The following PDE1A variants were observed in gnomAD, a reference collection of about 807,000 sequenced individuals.
PDE1A encodes phosphodiesterase 1A.
A neutral mutation model predicts 61.7 loss-of-function variants in PDE1A; 35 were observed. The ratio of observed to expected loss-of-function variants is 0.57; its 90% confidence interval spans 0.43 to 0.75. The LOEUF (loss-of-function observed/expected upper bound fraction) is 0.75, where lower values mean the gene tolerates loss of function less well. Among genes scored for constraint, PDE1A ranks in the 30% least tolerant of loss-of-function variants. The pLI, the probability that PDE1A is intolerant of heterozygous loss-of-function variation, is 0.00. For synonymous variants in PDE1A, 232 were observed against 213.2 expected (o/e 1.09, Z -0.77); for missense variants, 597 against 630.6 (o/e 0.95, Z 0.57).
At chr2:182,552,410 A>G in the PDE1A span, among the ~76,000 whole-genome samples, 7 of 151,986 alleles carry the variant, frequency 4.6e-5, no homozygotes, top group Admixed American at 1.3e-4. Flanking sequence ...TGCAGTAGGC[A>G]ATTGTTTGTA....
the PDE1A span, among the ~76,000 whole-genome samples, chr2:182,699,569 C>CA: frequency 6.6e-6 from 1 of 151,266 alleles, no homozygotes; most frequent in Non-Finnish European, 1.5e-5. Flanking sequence ...AATACCTCTT[C>CA]AAAAAAAATA....
At chr2:182,179,948 TATG>T (rs1684610515) in intron 13 of PDE1A, among the ~76,000 whole-genome samples, 1 of 152,224 alleles carries the variant, frequency 6.6e-6, no homozygotes, top group Non-Finnish European at 1.5e-5. Context: ...TAAGGGTTAA[TATG>T]ATGATGAGCA....
In PDE1A at chr2:182,188,034, C is replaced by T. The variant is rs571183573; in HGVS notation, c.1207+945G>A. Among the ~76,000 whole-genome samples the T allele has an allele frequency of 2.0e-5, 3 of 152,244 alleles. No homozygotes were observed. The East Asian group carries it at 5.8e-4, about 29-fold the overall frequency. On this transcript the variant is annotated intron_variant, in intron 11 of 13. Transcript: ENST00000351439. ...CTGGGATTACAGGCATAAGCCACTG[C>T]ACCCAGCCAGTTCTATGTTCTTAAA...
At chr2:182,690,479 G>A in the PDE1A span, among the ~76,000 whole-genome samples, 5 of 152,112 alleles carry the variant, frequency 3.3e-5, no homozygotes, top group South Asian at 4.2e-4. Flanking sequence ...AAAGTCAACA[G>A]CGCTTCATGC....
chr2:182,397,262 A>C (rs1701759210), intron 1 of PDE1A, among the ~76,000 whole-genome samples: 1 of 152,184 alleles, frequency 6.6e-6, no homozygotes, highest in Non-Finnish European at 1.5e-5. Flanking sequence ...CAGAAATAAC[A>C]AAATTTACAA....
intron 13 of PDE1A, among the ~76,000 whole-genome samples, chr2:182,147,425 TC>T (rs1690553774): frequency 6.6e-6 from 1 of 152,224 alleles, no homozygotes; most frequent in African/African-American, 2.4e-5. Context: ...TGTTTAAACA[TC>T]TATTAAATCC....
intron 13 of PDE1A, among the ~76,000 whole-genome samples, chr2:182,185,309 T>C (rs541422693): frequency 2.6e-5 from 4 of 152,276 alleles, no homozygotes; most frequent in African/African-American, 9.6e-5. Flanking sequence ...AGATAATAAC[T>C]GTTTGAATAC....
the PDE1A span, among the ~76,000 whole-genome samples, chr2:182,617,644 A>T: frequency 1.3e-5 from 2 of 152,232 alleles, no homozygotes; most frequent in Non-Finnish European, 2.9e-5. Flanking sequence ...CCCAGTGCAG[A>T]TGGCCTCCTC....
At chr2:182,459,494 G>A (rs1686137026) in intron 2 of PDE1A, among the ~76,000 whole-genome samples, 1 of 152,108 alleles carries the variant, frequency 6.6e-6, no homozygotes, top group East Asian at 1.9e-4. Flanking sequence ...ATATCTGTCA[G>A]GTGAAGCTTG....
At chr2:182,212,466 C>T (rs561406690) in intron 7 of PDE1A, among the ~76,000 whole-genome samples, 52 of 152,242 alleles carry the variant, frequency 3.4e-4, no homozygotes, top group African/African-American at 1.2e-3. Context: ...GCGTGAGCGA[C>T]GCAGAAGACG....
intron 2 of PDE1A, among the ~76,000 whole-genome samples, chr2:182,520,842 A>G (rs942501594): frequency 3.3e-5 from 5 of 152,102 alleles, no homozygotes; most frequent in African/African-American, 1.2e-4. Context: ...TCATCTGCTG[A>G]CTGCTAATGT....
At chr2:182,670,530 G>A in the PDE1A span, among the ~76,000 whole-genome samples, 9,826 of 152,158 alleles carry the variant, frequency 0.065, 1,021 homozygotes, top group African/African-American at 0.22. Flanking sequence ...CTAGGCCTAG[G>A]GCAATGATGC....
intron 1 of PDE1A, among the ~76,000 whole-genome samples, chr2:182,354,364 C>T (rs1699059676): frequency 6.6e-6 from 1 of 152,098 alleles, no homozygotes; most frequent in Non-Finnish European, 1.5e-5. Flanking sequence ...AGGGGCACAT[C>T]CTATCAATCC....
chr2:182,411,393 C>T (rs1020483317), intron 1 of PDE1A, among the ~76,000 whole-genome samples: 1 of 152,152 alleles, frequency 6.6e-6, no homozygotes, highest in East Asian at 1.9e-4. Context: ...ATTTACTTAC[C>T]TATTCTACTG....
At chr2:182,560,382 A>G in the PDE1A span, among the ~76,000 whole-genome samples, 5 of 151,620 alleles carry the variant, frequency 3.3e-5, no homozygotes, top group Admixed American at 2.6e-4. Flanking sequence ...GTCCCTACAA[A>G]GGACATGAAC....
chr2:182,376,227 C>T (rs1400352192), intron 1 of PDE1A, among the ~76,000 whole-genome samples: 2 of 152,216 alleles, frequency 1.3e-5, no homozygotes, highest in African/African-American at 4.8e-5. Flanking sequence ...CATTGTTAGG[C>T]TGCAAATTTT....
chr2:182,296,932 C>A (rs1694925099), intron 1 of PDE1A, among the ~76,000 whole-genome samples: 1 of 152,160 alleles, frequency 6.6e-6, no homozygotes, highest in African/African-American at 2.4e-5. Flanking sequence ...TCAGTCTTCT[C>A]CTGCCATTGG....
At chr2:182,567,709 C>A in the PDE1A span, among the ~76,000 whole-genome samples, 16 of 151,602 alleles carry the variant, frequency 1.1e-4, no homozygotes, top group East Asian at 2.9e-3. Context: ...GAAATAAAAT[C>A]TAATTTCCCT....
chr2:182,258,669 A>G (rs1692002315), intron 2 of PDE1A, among the ~76,000 whole-genome samples: 1 of 152,202 alleles, frequency 6.6e-6, no homozygotes, highest in Admixed American at 6.5e-5. Context: ...CATGTCTTTA[A>G]GAATAGGCAG....
Sources: gnomAD v4.1 joint callset for allele counts (sites outside exome capture counted in the v4.1 genomes callset) on GRCh38, gnomAD v4.1.1 for gene constraint, MANE v1.5 for transcripts, NCBI Gene and HGNC (gene_info 2026-07-23, HGNC 2026-07-21) for gene names.